NF2: variants seen among roughly 807,000 people sequenced by gnomAD.
The protein encoded by NF2 is NF2, moesin-ezrin-radixin like (MERLIN) tumor suppressor, also known as merlin.
NF2 carries 8 observed loss-of-function variants against 83.7 expected under a neutral mutation model. The ratio of observed to expected loss-of-function variants is 0.10; its 90% CI spans 0.06 to 0.17. NF2 has a LOEUF of 0.17. NF2 is among the 10% of genes least tolerant of loss of function. NF2 has a pLI of 1.00. For missense variants in NF2, 533 were observed against 744.4 expected (o/e 0.72, Z 3.31); for synonymous variants, 266 against 269.6 (o/e 0.99, Z 0.13).
intron 7 of NF2, among the ~76,000 whole-genome samples, chr22:29,659,334 T>G (rs1009847180): frequency 1.3e-5 from 2 of 152,182 alleles, no homozygotes; most frequent in Non-Finnish European, 2.9e-5. Flanking sequence ...GAAAACAGTT[T>G]TTTTGGTTTT....
chr22:29,638,600 C>CT (rs1369910446), intron 2 of NF2, among the ~76,000 whole-genome samples: 1 of 152,160 alleles, frequency 6.6e-6, no homozygotes, highest in Admixed American at 6.5e-5. Context: ...GATCCACCCG[C>CT]TGTGGCCTCC....
At chr22:29,678,992 C>T (rs2067049540) in intron 14 of NF2, among the ~76,000 whole-genome samples, 1 of 152,248 alleles carries the variant, frequency 6.6e-6, no homozygotes, top group African/African-American at 2.4e-5. Context: ...TTAACTGCTG[C>T]TGCTTGCTAG....
At position 29,694,938 on chromosome 22, in the gene NF2, G is replaced by C; in HGVS notation, c.*136G>C. On this transcript the variant is annotated 3_prime_UTR_variant, in exon 16 of 16. Coordinates refer to ENST00000338641, the MANE Select transcript of NF2 (RefSeq NM_000268.4). The surrounding 1 kb of genome is among the most constrained non-coding windows in gnomAD (Gnocchi z 4.1). ...GAGCTCCAGAACTTTCCCCAGCTGA[G>C]TGAAGAGCCCAGCCCCTCTTATGTG... The C allele has an allele frequency of 1.2e-6, 1 of 865,112 alleles. No individual in the cohort carries two copies. The highest frequency in any genetic ancestry group is 1.9e-6 in the Non-Finnish European group (1 of 528,280). 53.6% of individuals were successfully genotyped at this position (865,112 alleles called of 1,614,324 possible). A position where few individuals can be genotyped will look rare whatever the true frequency, so the allele number is the denominator to read the frequency against.
At position 29,683,379 on chromosome 22, in the gene NF2, T is replaced by C. The variant is rs867890267; in HGVS notation, c.1737+1778T>C. The C allele has an allele frequency of 5.2e-6, 7 of 1,341,262 alleles. No homozygotes were observed. In the Middle Eastern group the frequency reaches 8.7e-4, roughly 167 times the overall value. The allele number at this position is 1,341,262 out of a possible 1,614,324, so 83.1% of individuals were successfully genotyped here. A position where few individuals can be genotyped will look rare whatever the true frequency, so the allele number is the denominator to read the frequency against. Reference sequence around the variant, plus strand: ...TTATGGCTTCTTGTCCAGTCAGGTGTGTCTAAAAGTCCTTTGTCTTGGTGG... The same window carrying C: ...TTATGGCTTCTTGTCCAGTCAGGTGCGTCTAAAAGTCCTTTGTCTTGGTGG... On this transcript the variant is annotated intron_variant, in intron 15 of 15. Transcript: ENST00000338641.
rs1437469963 is a variant in NF2, at chr22:29,654,725, G to A, written c.516G>A (p.Arg172=). The change falls in exon 5 of 16, where the codon AGG becomes AGA. Residue 172 remains arginine (R), a splice_region_variant and synonymous_variant. Transcript: ENST00000338641. ...FLAQEELLPK[R]VINLYQMTPE... ...CCCAAGAGGAATTGCTTCCAAAAAG[G>A]GTAAGAGATTAAATTCCCTTTTCAG... 1.2e-6 allele frequency: 2 copies of A among 1,612,102 alleles called. No homozygotes were observed. Among genetic ancestry groups the A allele is most frequent in the East Asian group, 2.2e-5 (1 of 44,874 alleles).
rs533654007 is a variant in NF2 at position 29,686,468 on chromosome 22, C to T, written c.1737+4867C>T. Among the ~76,000 whole-genome samples, 81 of 152,282 alleles carry T rather than the reference C, an allele frequency of 5.3e-4. 1 individual carries two copies. Among genetic ancestry groups the T allele is most frequent in the African/African-American group, 1.7e-3 (70 of 41,546 alleles). On this transcript the variant is annotated intron_variant, in intron 15 of 15. Coordinates refer to ENST00000338641, the MANE Select transcript of NF2 (RefSeq NM_000268.4). Reference sequence around the variant, plus strand: ...CAGCCTGACCAACATGGAGAAACCCCGTCTCTACCAAAAATACAAAATTTG... The same window carrying T: ...CAGCCTGACCAACATGGAGAAACCCTGTCTCTACCAAAAATACAAAATTTG...
chr22:29,644,369 C>T (rs1378505252), intron 4 of NF2, among the ~76,000 whole-genome samples: 158 of 144,588 alleles, frequency 1.1e-3, no homozygotes, highest in Non-Finnish European at 1.5e-3. Flanking sequence ...TGATGGCGGC[C>T]GGGAAGAGGC....
intron 2 of NF2, among the ~76,000 whole-genome samples, chr22:29,638,076 GA>G (rs1247405649): frequency 6.6e-6 from 1 of 152,216 alleles, no homozygotes; most frequent in Non-Finnish European, 1.5e-5. Context: ...AATACATCAT[GA>G]CACATGTTAA....
At chr22:29,648,320 A>G in intron 4 of NF2, among the ~76,000 whole-genome samples, 1 of 152,226 alleles carries the variant, frequency 6.6e-6, no homozygotes, top group African/African-American at 2.4e-5. Context: ...AGAAAACAAG[A>G]ATGGTCATAA....
intron 1 of NF2, among the ~76,000 whole-genome samples, chr22:29,617,751 G>A (rs1207999271): frequency 2.0e-5 from 3 of 152,232 alleles, no homozygotes; most frequent in Non-Finnish European, 4.4e-5. Context: ...ATGGAAGTGA[G>A]AATTTTGTAT....
chr22:29,663,094 GT>G (rs146593988), intron 8 of NF2, among the ~76,000 whole-genome samples: 3,698 of 152,284 alleles, frequency 0.024, 94 homozygotes, highest in Admixed American at 0.075. Flanking sequence ...TGACTTTGAA[GT>G]TTTTGTTAGT....
chr22:29,693,489 C>T (rs1037037541), intron 15 of NF2, among the ~76,000 whole-genome samples: 1 of 152,334 alleles, frequency 6.6e-6, no homozygotes, highest in East Asian at 1.9e-4. Flanking sequence ...TGGAGTCTCC[C>T]TCCCCTGCCC....
intron 1 of NF2, among the ~76,000 whole-genome samples, chr22:29,621,084 A>G (rs2065207852): frequency 6.6e-6 from 1 of 152,218 alleles, no homozygotes; most frequent in Admixed American, 6.5e-5. Context: ...GGGAGAATAG[A>G]TGGGCACACC....
chr22:29,682,268 G>A (rs956624548), intron 15 of NF2, among the ~76,000 whole-genome samples: 2 of 152,088 alleles, frequency 1.3e-5, no homozygotes, highest in African/African-American at 4.8e-5. Flanking sequence ...GCTCTTAACT[G>A]ATAGCCCAGG....
At chr22:29,674,767 G>T in intron 12 of NF2, 69 bp from the exon 13 acceptor site, 1 of 1,379,038 alleles carries the variant, frequency 7.3e-7, no homozygotes, top group Non-Finnish European at 1.0e-6. Context: ...CCTCTGCAGG[G>T]GTGGGGTGGT....
In NF2 at chr22:29,671,919, G is replaced by C; in HGVS notation, c.1093G>C (p.Glu365Gln). ...GGAGAGGAGGCTGCTGCAGATGAAA[G>C]AAGAAGCAACAATGGCCAACGAAGC... ...ELERRLLQMKEEATMANEALM... is the reference protein window; with the variant it reads ...ELERRLLQMKQEATMANEALM... Residue 365 changes from glutamate (E) to glutamine (Q), a missense_variant, in exon 11 of 16, where the codon GAA (glutamate) becomes CAA (glutamine). By Grantham distance (29) the Glu-to-Gln change is conservative. This residue lies in a region of NF2 where 326 missense variants were observed against 475.1 expected (regional missense o/e 0.69). Coordinates refer to ENST00000338641, the MANE Select transcript of NF2 (RefSeq NM_000268.4). 1 of 1,614,216 alleles carries C rather than the reference G, an allele frequency of 6.2e-7. No homozygotes were observed. The highest frequency in any genetic ancestry group is 8.5e-7 in the Non-Finnish European group (1 of 1,180,036).
chr22:29,608,604 G>T (rs2064866982), intron 1 of NF2, among the ~76,000 whole-genome samples: 1 of 151,438 alleles, frequency 6.6e-6, no homozygotes, highest in South Asian at 2.1e-4. Flanking sequence ...GGGAGGCGGA[G>T]GTTGTAGTGA....
chr22:29,644,304 C>T (rs1420366268), intron 4 of NF2, among the ~76,000 whole-genome samples: 51 of 148,334 alleles, frequency 3.4e-4, no homozygotes, highest in African/African-American at 1.2e-3. Context: ...CAGAGGCGCT[C>T]CCCACATCCC....
At chr22:29,670,974 G>A (rs146223347) in intron 10 of NF2, among the ~76,000 whole-genome samples, 10 of 152,292 alleles carry the variant, frequency 6.6e-5, no homozygotes, top group African/African-American at 9.6e-5. Flanking sequence ...GATGCATCAC[G>A]TAGAATGATT....
Sources: gnomAD v4.1 joint callset for allele counts (sites outside exome capture counted in the v4.1 genomes callset) on GRCh38, gnomAD v4.1.1 for gene constraint, gnomAD v4.1.1 regional missense constraint, Gnocchi (gnomAD v3.1) non-coding constraint, MANE v1.5 for transcripts, NCBI Gene and HGNC (gene_info 2026-07-23, HGNC 2026-07-21) for gene names.